Variants in ALPL observed in about 807,000 individuals in gnomAD.
ALPL encodes alkaline phosphatase, tissue-nonspecific isozyme.
A neutral mutation model predicts 51.3 loss-of-function variants in ALPL; 42 were observed. The observed-to-expected ratio is 0.82, with a 90% CI of 0.64 to 1.06. ALPL has a LOEUF of 1.06. Ranked by LOEUF, ALPL falls within the 50% of genes least tolerant of loss-of-function variation. ALPL has a pLI of 0.00. For synonymous variants in ALPL, 279 were observed against 296.4 expected (o/e 0.94, Z 0.60); for missense variants, 589 against 709.4 (o/e 0.83, Z 1.93).
chr1:21,520,498 C>T (rs1463448229), intron 1 of ALPL, among the ~76,000 whole-genome samples: 2 of 128,790 alleles, frequency 1.6e-5, no homozygotes, highest in African/African-American at 2.9e-5. Context: ...GACGGAGTCT[C>T]GCCCTGTCGC....
chr1:21,542,792 T>C (rs1027797518), intron 1 of ALPL, among the ~76,000 whole-genome samples: 1 of 151,992 alleles, frequency 6.6e-6, no homozygotes, highest in Non-Finnish European at 1.5e-5. Flanking sequence ...GAGCCGAGAT[T>C]GCGCTACTGC....
Position 21,576,597 on chromosome 1 carries a change from A to G in ALPL, c.1265A>G (p.Lys422Arg), listed in dbSNP as rs1644740663. 6.2e-7 allele frequency: 1 copy of G among 1,613,934 alleles called. No homozygotes were observed. Among genetic ancestry groups the G allele is most frequent in the Non-Finnish European group, 8.5e-7 (1 of 1,179,924 alleles). ...AILYGNGPGYKVVGGERENVS... is the reference protein window; with the variant it reads ...AILYGNGPGYRVVGGERENVS... ...CTGTATGGCAATGGGCCTGGCTACA[A>G]GGTGGTGGGCGGTGAACGAGAGAAT... The change falls in exon 11 of 12, where the codon AAG (lysine) becomes AGG (arginine). Residue 422 changes from lysine (K) to arginine (R), a missense_variant. By Grantham distance (26) the Lys-to-Arg change is conservative. Coordinates refer to ENST00000374840, the MANE Select transcript of ALPL (RefSeq NM_000478.6).
intron 1 of ALPL, among the ~76,000 whole-genome samples, chr1:21,544,646 T>C (rs1644230303): frequency 6.6e-6 from 1 of 152,192 alleles, no homozygotes; most frequent in African/African-American, 2.4e-5. Flanking sequence ...CTCAGGAGGC[T>C]GAGGCACGAG....
At chr1:21,543,071 T>C (rs1398323875) in intron 1 of ALPL, among the ~76,000 whole-genome samples, 1 of 151,956 alleles carries the variant, frequency 6.6e-6, no homozygotes, top group Non-Finnish European at 1.5e-5. Flanking sequence ...GGAGGATCGC[T>C]TAAGGCTGCA....
chr1:21,522,268 G>A (rs903630179), intron 1 of ALPL, among the ~76,000 whole-genome samples: 1 of 152,062 alleles, frequency 6.6e-6, no homozygotes, highest in Non-Finnish European at 1.5e-5. Flanking sequence ...TAGAGACAGG[G>A]TTTCACCATG....
intron 8 of ALPL, 68 bp downstream of exon 8, chr1:21,570,442 G>T (rs1042918139): frequency 6.6e-7 from 1 of 1,518,126 alleles, no homozygotes; most frequent in Non-Finnish European, 9.1e-7. Context: ...CGTGTGGCCA[G>T]CACCTGGGGA....
chr1:21,561,395 G>A (rs763263152), intron 4 of ALPL, among the ~76,000 whole-genome samples, 183 bp downstream of exon 4: 4 of 152,222 alleles, frequency 2.6e-5, no homozygotes, highest in African/African-American at 4.8e-5. Context: ...ACCTGCTTGC[G>A]GGTGTGTGTT....
chr1:21,535,173 A>G (rs1260277516), intron 1 of ALPL, among the ~76,000 whole-genome samples: 2 of 152,198 alleles, frequency 1.3e-5, no homozygotes, highest in Admixed American at 1.3e-4. Context: ...GATCAGCTGG[A>G]TCTTAGAGAC....
In ALPL at chr1:21,521,582, T is replaced by C. The variant is rs111829246; in HGVS notation, c.-105+12065T>C. On this transcript the variant is annotated intron_variant, in intron 1 of 11. Transcript: ENST00000374840. ...GGAGGGATGCCCCACTGGGTGTGAC[T>C]CTTGAGCCACTCAATGCGAAGCCTG... Among the ~76,000 whole-genome samples the C allele has an allele frequency of 4.7e-3, 709 of 152,298 alleles. 7 individuals carry two copies. Among genetic ancestry groups the C allele is most frequent in the Middle Eastern group, 0.02 (6 of 294 alleles).
chr1:21,548,933 T>C (rs1167890295), intron 1 of ALPL, among the ~76,000 whole-genome samples: 6 of 152,174 alleles, frequency 3.9e-5, no homozygotes, highest in Non-Finnish European at 7.3e-5. Context: ...GTCCTCTGCC[T>C]TTAGACCCCA....
chr1:21,564,211 A>G lies in ALPL; in HGVS notation c.643A>G (p.Ile215Val), dbSNP rs769903299. ...AYQLMHNIRD[I>V]DVIMGGGRKY... ...CCAGCTCATGCATAACATCAGGGAC[A>G]TTGACGTGAGTGCTCGGGGGCAGCC... is the stretch of plus-strand genomic sequence containing the variant. Residue 215 changes from isoleucine to valine, a missense_variant, in exon 6 of 12, where the codon ATT becomes GTT. Coordinates refer to ENST00000374840, the MANE Select transcript of ALPL (RefSeq NM_000478.6). This position sits in a 1 kb window ranked among gnomAD's most constrained non-coding sequence, Gnocchi z 5.8. 3.7e-6 allele frequency: 6 copies of G among 1,613,632 alleles called. No individual in the cohort carries two copies. In the East Asian group the frequency reaches 6.7e-5, roughly 18 times the overall value.
In ALPL at chr1:21,564,402, G is replaced by A. The variant is rs1045289922; in HGVS notation, c.648+186G>A. On this transcript the variant is annotated intron_variant, in intron 6 of 11. Transcript: ENST00000374840. The surrounding 1 kb of genome is among the most constrained non-coding windows in gnomAD (Gnocchi z 5.8). ...GGCACTGTGGGATTTCTCTGCGGTG[G>A]GGCTGCGGGGTGAACCCTCATGTGA... is the stretch of plus-strand genomic sequence containing the variant. Among the ~76,000 whole-genome samples, 18 of 152,144 alleles carry A rather than the reference G, an allele frequency of 1.2e-4. No homozygotes were observed. Among genetic ancestry groups the A allele is most frequent in the Non-Finnish European group, 2.4e-4 (16 of 68,026 alleles).
chr1:21,545,369 C>T (rs1244386481), intron 1 of ALPL, among the ~76,000 whole-genome samples: 2 of 152,162 alleles, frequency 1.3e-5, no homozygotes, highest in African/African-American at 2.4e-5. Flanking sequence ...CAGCTCACTA[C>T]AACCTCCGCC....
At chr1:21,561,968 G>A (rs1225332713) in intron 4 of ALPL, among the ~76,000 whole-genome samples, 1 of 152,162 alleles carries the variant, frequency 6.6e-6, no homozygotes. Flanking sequence ...TGCCTGGCCT[G>A]TATACACTTT....
intron 1 of ALPL, among the ~76,000 whole-genome samples, chr1:21,538,534 C>T (rs1015762633): frequency 3.3e-5 from 5 of 152,304 alleles, no homozygotes; most frequent in Admixed American, 6.5e-5. Flanking sequence ...CAGCAAGCTA[C>T]AAGTTCATTG....
intron 1 of ALPL, among the ~76,000 whole-genome samples, chr1:21,534,225 C>T (rs887684959): frequency 6.6e-6 from 1 of 152,214 alleles, no homozygotes; most frequent in Non-Finnish European, 1.5e-5. Context: ...GTCCTCCTGC[C>T]TTGGCCTCCC....
chr1:21,574,783 C>CG (rs1254678087), intron 9 of ALPL: 4 of 152,254 alleles, frequency 2.6e-5, no homozygotes, highest in Non-Finnish European at 5.9e-5. Flanking sequence ...CCTTTGTGAG[C>CG]AAGGCCAGGA....
rs993893380 is a variant in ALPL, at chr1:21,574,213, C to T, written c.997+414C>T. On this transcript the variant is annotated intron_variant, in intron 9 of 11. Transcript: ENST00000374840. ...GCCGGCCAGGGGCCTTGCAGACAGA[C>T]CTGAATTCTTGGCCTGGCGCTGCCA... 3 of 985,302 alleles carry T rather than the reference C, an allele frequency of 3.0e-6. No homozygotes were observed. The African/African-American group carries it at 5.2e-5, about 17-fold the overall frequency. The allele number at this position is 985,302 out of a possible 1,614,324, so 61.0% of individuals were successfully genotyped here.
intron 8 of ALPL, 104 bp downstream of exon 8, chr1:21,570,478 A>G: frequency 8.3e-7 from 1 of 1,209,290 alleles, no homozygotes. Context: ...ACGCCCACTT[A>G]GGGGCCTCTG....
Sources: gnomAD v4.1 joint callset for allele counts (sites outside exome capture counted in the v4.1 genomes callset) on GRCh38, gnomAD v4.1.1 for gene constraint, Gnocchi (gnomAD v3.1) non-coding constraint, MANE v1.5 for transcripts, NCBI Gene and HGNC (gene_info 2026-07-23, HGNC 2026-07-21) for gene names.